SIK3: variants seen among roughly 807,000 people sequenced by gnomAD.
SIK3 encodes the protein serine/threonine-protein kinase SIK3.
In SIK3, 28 loss-of-function variants were observed where a neutral mutation model predicts 144.2. The ratio of observed to expected loss-of-function variants is 0.19; its 90% CI spans 0.14 to 0.27. SIK3 has a LOEUF of 0.27. Among genes scored for constraint, SIK3 ranks in the 10% least tolerant of loss-of-function variants. The pLI, the probability that SIK3 is intolerant of heterozygous loss-of-function variation, is 1.00. For missense variants in SIK3, 1,319 were observed against 1,776.0 expected (o/e 0.74, Z 4.62); for synonymous variants, 686 against 676.3 (o/e 1.01, Z -0.22).
Position 116,927,235 on chromosome 11 carries a change from C to G in SIK3, c.600G>C (p.Leu200=), listed in dbSNP as rs1457545213. ...KAENLLLDAN[L]NIKIADFGFS... ...AGTTCTCACCTGCTATTTTGATATT[C>G]AGATTGGCATCCAGAAGTAAATTTT... Residue 200 remains leucine (L), a synonymous_variant, in exon 4 of 25, where the codon CTG becomes CTC. Coordinates refer to ENST00000445177, the MANE Select transcript of SIK3 (RefSeq NM_001366686.3). The G allele has an allele frequency of 3.7e-6, 6 of 1,613,796 alleles. No individual in the cohort carries two copies. The highest frequency in any genetic ancestry group is 5.1e-6 in the Non-Finnish European group (6 of 1,179,792).
intron 4 of SIK3, among the ~76,000 whole-genome samples, chr11:116,925,641 C>T (rs2135117258): frequency 6.6e-6 from 1 of 152,292 alleles, no homozygotes; most frequent in African/African-American, 2.4e-5. Context: ...ACTAATCAAT[C>T]TTTTATTACA....
At chr11:116,925,042 A>C (rs1271136946) in intron 4 of SIK3, among the ~76,000 whole-genome samples, 1 of 152,164 alleles carries the variant, frequency 6.6e-6, no homozygotes, top group Non-Finnish European at 1.5e-5. Flanking sequence ...GCACTTTGGG[A>C]GGCCAAGGTG....
intron 1 of SIK3, among the ~76,000 whole-genome samples, chr11:117,006,195 TA>T (rs1951039947): frequency 6.6e-6 from 1 of 152,152 alleles, no homozygotes; most frequent in South Asian, 2.1e-4. Flanking sequence ...TCATATAGTC[TA>T]AAATGGAATA....
At chr11:116,905,961 G>A (rs1240186146) in intron 4 of SIK3, among the ~76,000 whole-genome samples, 1 of 152,142 alleles carries the variant, frequency 6.6e-6, no homozygotes, top group Non-Finnish European at 1.5e-5. Flanking sequence ...AAATGTTGAT[G>A]AGGTCCAACT....
chr11:116,971,223 A>G (rs1398221667), intron 1 of SIK3, among the ~76,000 whole-genome samples: 1 of 152,238 alleles, frequency 6.6e-6, no homozygotes, highest in African/African-American at 2.4e-5. Flanking sequence ...CAGAACAAAC[A>G]ATGGCAGACT....
intron 1 of SIK3, among the ~76,000 whole-genome samples, chr11:116,957,311 T>C (rs549776555): frequency 6.6e-6 from 1 of 152,328 alleles, no homozygotes; most frequent in Admixed American, 6.5e-5. Flanking sequence ...CAATTGCTTA[T>C]ACGGTAAAAT....
chr11:117,072,225 A>C (rs1301894388), intron 1 of SIK3, among the ~76,000 whole-genome samples: 1 of 151,684 alleles, frequency 6.6e-6, no homozygotes, highest in Admixed American at 6.6e-5. Context: ...CCATCTCCAC[A>C]AAAAATACAA....
intron 3 of SIK3, among the ~76,000 whole-genome samples, chr11:116,943,146 G>C (rs1179888977): frequency 1.3e-5 from 2 of 151,042 alleles, no homozygotes; most frequent in African/African-American, 4.9e-5. Flanking sequence ...AAATGGACCA[G>C]AGTCTAAATT....
At chr11:117,008,446 A>G (rs58354636) in intron 1 of SIK3, among the ~76,000 whole-genome samples, 3,745 of 149,688 alleles carry the variant, frequency 0.025, 85 homozygotes, top group South Asian at 0.11. Context: ...CAAACTCACA[A>G]GTTTGTTAAC....
At chr11:117,089,898 A>T (rs531740006) in intron 1 of SIK3, among the ~76,000 whole-genome samples, 243 of 152,298 alleles carry the variant, frequency 1.6e-3, no homozygotes, top group African/African-American at 4.8e-3. Context: ...CTCTTTGAAA[A>T]GCCTAAGTCT....
At chr11:117,002,090 C>T (rs1055252740) in intron 1 of SIK3, among the ~76,000 whole-genome samples, 1 of 152,158 alleles carries the variant, frequency 6.6e-6, no homozygotes, top group East Asian at 1.9e-4. Flanking sequence ...AACTTGTATG[C>T]TTTTTCAAAC....
intron 1 of SIK3, among the ~76,000 whole-genome samples, chr11:116,961,550 G>A (rs745997262): frequency 2.0e-5 from 3 of 152,092 alleles, no homozygotes; most frequent in Non-Finnish European, 2.9e-5. Context: ...TAAATCAGTA[G>A]GTAAAGAAAA....
chr11:116,956,236 T>A, intron 2 of SIK3, among the ~76,000 whole-genome samples: 1 of 151,808 alleles, frequency 6.6e-6, no homozygotes, highest in South Asian at 2.1e-4. Flanking sequence ...TCTCCTCCTA[T>A]CCCGCTTGAA....
chr11:117,023,763 G>A (rs1211492352), intron 1 of SIK3, among the ~76,000 whole-genome samples: 2 of 151,270 alleles, frequency 1.3e-5, no homozygotes, highest in Non-Finnish European at 2.9e-5. Context: ...TGCAACCTCC[G>A]CCTCTAGGGT....
intron 1 of SIK3, 91 bp from the exon 2 acceptor site, chr11:116,957,155 T>C: frequency 1.7e-6 from 1 of 593,280 alleles, no homozygotes; most frequent in South Asian, 2.9e-5. Context: ...TTACGTTCCA[T>C]AAAATATAAG....
chr11:117,010,082 G>A (rs7127881), intron 1 of SIK3, among the ~76,000 whole-genome samples: 67,639 of 151,786 alleles, frequency 0.45, 18,247 homozygotes, highest in Non-Finnish European at 0.62. Flanking sequence ...TCAAGGGGAC[G>A]GTGGGAAGTG....
rs771755202 is a variant in SIK3, at chr11:116,847,574, A to T, written c.3854T>A (p.Val1285Glu). Residue 1285 changes from valine to glutamate, a missense_variant, in exon 23 of 25, where the codon GTG (valine) becomes GAG (glutamate). By Grantham distance (121) the Val-to-Glu change is moderately radical. Coordinates refer to ENST00000445177, the MANE Select transcript of SIK3 (RefSeq NM_001366686.3). Reference protein sequence around the residue: ...QLDNLPGMSLVAGKALSSARM... With the variant: ...QLDNLPGMSLEAGKALSSARM... ...GGCAGAGCTAAGTGCTTTCCCAGCC[A>T]CGAGACTCATTCCTGGCAAGTTATC... 3.7e-6 allele frequency: 6 copies of T among 1,614,098 alleles called. No homozygotes were observed.
At chr11:116,914,858 G>A (rs1008026100) in intron 4 of SIK3, among the ~76,000 whole-genome samples, 1 of 151,876 alleles carries the variant, frequency 6.6e-6, no homozygotes, top group Non-Finnish European at 1.5e-5. Context: ...CCTTTCAAAG[G>A]AATGTATTAT....
At chr11:116,850,215 C>G (rs1216884230) in intron 21 of SIK3, among the ~76,000 whole-genome samples, 1 of 152,184 alleles carries the variant, frequency 6.6e-6, no homozygotes, top group Non-Finnish European at 1.5e-5. Flanking sequence ...TCCCCTACTA[C>G]TACCCTACAA....
Sources: allele counts gnomAD v4.1 joint callset (sites outside exome capture counted in the v4.1 genomes callset), GRCh38; gene constraint gnomAD v4.1.1; transcripts MANE v1.5; gene names NCBI Gene and HGNC (gene_info 2026-07-23, HGNC 2026-07-21).